The following DYNC1I1 variants were observed in gnomAD, a reference collection of about 807,000 sequenced individuals.
DYNC1I1 encodes dynein cytoplasmic 1 intermediate chain 1, also known as cytoplasmic dynein 1 intermediate chain 1.
In DYNC1I1, 43 loss-of-function variants were observed where a neutral mutation model predicts 86.6. The observed-to-expected ratio is 0.50, with a 90% CI of 0.39 to 0.64. The LOEUF (loss-of-function observed/expected upper bound fraction) is 0.64, where lower values mean the gene tolerates loss of function less well. Ranked by LOEUF, DYNC1I1 falls within the 30% of genes least tolerant of loss-of-function variation. DYNC1I1 has a pLI of 0.00. For synonymous variants in DYNC1I1, 262 were observed against 283.7 expected (o/e 0.92, Z 0.77); for missense variants, 604 against 788.8 (o/e 0.77, Z 2.81).
chr7:95,854,361 ATAGTT>A (rs1310647705), intron 5 of DYNC1I1, among the ~76,000 whole-genome samples: 1 of 151,956 alleles, frequency 6.6e-6, no homozygotes, highest in Non-Finnish European at 1.5e-5. Context: ...ATAGGTATAG[ATAGTT>A]TATATTATAT....
chr7:95,799,573 GA>G (rs1169506345), intron 1 of DYNC1I1, among the ~76,000 whole-genome samples: 4 of 151,658 alleles, frequency 2.6e-5, no homozygotes, highest in Admixed American at 6.6e-5. Context: ...ATGTTCAGAA[GA>G]AAAAATTGAG....
intron 9 of DYNC1I1, among the ~76,000 whole-genome samples, chr7:95,988,260 C>G (rs908586247): frequency 1.3e-5 from 2 of 152,026 alleles, no homozygotes; most frequent in Non-Finnish European, 2.9e-5. Context: ...GCCTGTAATC[C>G]CAGCTATTCG....
At chr7:96,059,565 G>A (rs1789701219) in intron 14 of DYNC1I1, among the ~76,000 whole-genome samples, 1 of 152,014 alleles carries the variant, frequency 6.6e-6, no homozygotes, top group African/African-American at 2.4e-5. Flanking sequence ...AAAAAATGAG[G>A]ACTGATTTCA....
intron 3 of DYNC1I1, among the ~76,000 whole-genome samples, chr7:95,812,550 A>G (rs984799995): frequency 5.9e-5 from 9 of 152,190 alleles, no homozygotes; most frequent in African/African-American, 2.2e-4. Context: ...GAGCTGCTGG[A>G]GGCAAGGCAA....
intron 5 of DYNC1I1, among the ~76,000 whole-genome samples, chr7:95,857,313 G>A (rs1448967446): frequency 6.6e-6 from 1 of 152,196 alleles, no homozygotes; most frequent in Non-Finnish European, 1.5e-5. Context: ...GATCAAAGAG[G>A]TGGTATTTTG....
chr7:96,046,647 G>A (rs1789224908), intron 14 of DYNC1I1, among the ~76,000 whole-genome samples: 2 of 152,290 alleles, frequency 1.3e-5, no homozygotes, highest in Admixed American at 6.5e-5. Context: ...TTGTAAGTCT[G>A]GTTTGGTCAT....
intron 1 of DYNC1I1, among the ~76,000 whole-genome samples, chr7:95,799,743 G>A (rs1794533433): frequency 6.6e-6 from 1 of 151,536 alleles, no homozygotes; most frequent in Admixed American, 6.6e-5. Flanking sequence ...GTTTTAGAAT[G>A]GCTAGGAACA....
At chr7:96,037,848 T>C (rs1301793452) in intron 13 of DYNC1I1, among the ~76,000 whole-genome samples, 4 of 152,168 alleles carry the variant, frequency 2.6e-5, no homozygotes, top group African/African-American at 9.7e-5. Flanking sequence ...CTTAGTAACA[T>C]TGTAACGTAG....
intron 10 of DYNC1I1, among the ~76,000 whole-genome samples, chr7:96,000,300 G>A (rs1293396356): frequency 2.6e-5 from 4 of 152,140 alleles, no homozygotes; most frequent in African/African-American, 7.2e-5. Flanking sequence ...GACCCAAACA[G>A]TTTTCAAATG....
rs1270483936 is a variant in DYNC1I1 at position 96,097,536 on chromosome 7, A to G, written c.1830A>G (p.Glu610=). Residue 610 remains glutamate (E), a synonymous_variant, in exon 17 of 17, where the codon GAA becomes GAG. Transcript: ENST00000447467. ...EWTRFARTLV[E]IRANRADSEE... ...CCCGATTTGCCAGGACCCTTGTGGA[A>G]ATTCGTGCTAACAGAGCTGATAGCG... is the stretch of plus-strand genomic sequence containing the variant. 1 of 1,613,770 alleles carries G rather than the reference A, an allele frequency of 6.2e-7. No homozygotes were observed.
chr7:95,985,237 A>C (rs1405034129), intron 8 of DYNC1I1, among the ~76,000 whole-genome samples: 9 of 152,174 alleles, frequency 5.9e-5, no homozygotes, highest in Non-Finnish European at 1.5e-5. Flanking sequence ...AGACTGGCAG[A>C]GTCACATGCA....
At chr7:96,089,020 T>G (rs957517073) in intron 16 of DYNC1I1, among the ~76,000 whole-genome samples, 2 of 152,092 alleles carry the variant, frequency 1.3e-5, no homozygotes, top group Middle Eastern at 3.2e-3. Context: ...AGTCAACCAA[T>G]AGTTTCTCAA....
At chr7:95,889,022 T>C (rs550066757) in intron 6 of DYNC1I1, among the ~76,000 whole-genome samples, 2 of 152,300 alleles carry the variant, frequency 1.3e-5, no homozygotes, top group South Asian at 4.1e-4. Flanking sequence ...TGGAGGAAGC[T>C]GCAATTGGGG....
At chr7:95,842,546 C>G (rs1789315545) in intron 5 of DYNC1I1, among the ~76,000 whole-genome samples, 1 of 152,118 alleles carries the variant, frequency 6.6e-6, no homozygotes, top group Non-Finnish European at 1.5e-5. Flanking sequence ...TGCTGGGAGT[C>G]AGCTTGCACA....
chr7:95,992,032 G>T (rs964722787), intron 9 of DYNC1I1, among the ~76,000 whole-genome samples: 1 of 152,018 alleles, frequency 6.6e-6, no homozygotes, highest in Non-Finnish European at 1.5e-5. Flanking sequence ...GTTAATTTTT[G>T]TATTTTTAGT....
At chr7:95,790,615 G>T (rs769437723) in intron 1 of DYNC1I1, among the ~76,000 whole-genome samples, 8 of 152,178 alleles carry the variant, frequency 5.3e-5, no homozygotes, top group Non-Finnish European at 8.8e-5. Context: ...TTTATCATCT[G>T]TTGAACAAAC....
At chr7:95,804,519 A>T (rs1794658905) in intron 1 of DYNC1I1, 1 of 876,094 alleles carries the variant, frequency 1.1e-6, no homozygotes, top group African/African-American at 1.7e-5. Context: ...TATATACCTA[A>T]AAGGGAAATA....
At chr7:96,092,749 G>A (rs1031279026) in intron 16 of DYNC1I1, among the ~76,000 whole-genome samples, 1 of 152,126 alleles carries the variant, frequency 6.6e-6, no homozygotes, top group African/African-American at 2.4e-5. Context: ...GGGGCTCTGG[G>A]AGGCTAAAAT....
intron 6 of DYNC1I1, among the ~76,000 whole-genome samples, chr7:95,965,351 G>C (rs4727331): frequency 0.066 from 10,066 of 152,192 alleles, 791 homozygotes; most frequent in East Asian, 0.34. Flanking sequence ...GCACCAGTGT[G>C]GACACAGTTG....
Sources: allele counts gnomAD v4.1 joint callset (sites outside exome capture counted in the v4.1 genomes callset), GRCh38; gene constraint gnomAD v4.1.1; transcripts MANE v1.5; gene names NCBI Gene and HGNC (gene_info 2026-07-23, HGNC 2026-07-21).